The following SPTAN1 variants were observed in gnomAD, a reference collection of about 807,000 sequenced individuals.
SPTAN1 encodes the protein spectrin alpha chain, non-erythrocytic 1.
Under a neutral mutation model 331.3 loss-of-function variants are expected in SPTAN1, and 61 were observed. That is an observed-to-expected ratio of 0.18 (90% CI 0.15 to 0.23). The LOEUF is 0.23. SPTAN1 is among the 10% of genes least tolerant of loss of function. SPTAN1 has a pLI of 1.00. For synonymous variants in SPTAN1, 1,153 were observed against 1,173.9 expected (o/e 0.98, Z 0.36); for missense variants, 2,043 against 3,147.9 (o/e 0.65, Z 8.40).
intron 42 of SPTAN1, 109 bp from the exon 43 acceptor site, chr9:128,617,878 C>T: frequency 6.2e-7 from 1 of 1,612,114 alleles, no homozygotes; most frequent in Non-Finnish European, 8.5e-7. Flanking sequence ...CCCCTCAGTC[C>T]AAACCTGGAG....
At chr9:128,622,276 T>C (rs1360807528) in intron 45 of SPTAN1, among the ~76,000 whole-genome samples, 1 of 145,484 alleles carries the variant, frequency 6.9e-6, no homozygotes, top group Non-Finnish European at 1.5e-5. Context: ...TTCAGCCTCC[T>C]GGCAACGAGC....
Position 128,583,850 on chromosome 9 carries a change from T to C in SPTAN1, c.2074T>C (p.Leu692=). The C allele has an allele frequency of 1.2e-6, 2 of 1,614,240 alleles. No homozygotes were observed. The highest frequency in any genetic ancestry group is 8.5e-7 in the Non-Finnish European group (1 of 1,180,038). Reference sequence around the variant, plus strand: ...TAATCGCAATGTTGAGGATATTGAATTGTGGCTATATGAAGTAGAAGGTCA... The same window carrying C: ...TAATCGCAATGTTGAGGATATTGAACTGTGGCTATATGAAGTAGAAGGTCA... The part of the protein sequence containing the change: ...QFNRNVEDIE[L]WLYEVEGHLA... The change falls in exon 16 of 57, where the codon TTG becomes CTG. Residue 692 remains leucine, a synonymous_variant. Coordinates refer to ENST00000372739, the MANE Select transcript of SPTAN1 (RefSeq NM_001130438.3).
At position 128,595,491 on chromosome 9, in the gene SPTAN1, C is replaced by T. The variant is rs189557556; in HGVS notation, c.3414+1118C>T. Among the ~76,000 whole-genome samples, 4 of 152,248 alleles carry T rather than the reference C, an allele frequency of 2.6e-5. No individual in the cohort carries two copies. The East Asian group carries it at 7.7e-4, about 29-fold the overall frequency. Reference sequence around the variant, plus strand: ...AAGGAAAGATATGCTATGTTCTCTACATGTTGTTATAAGAACTTTTCTAAG... The same window carrying T: ...AAGGAAAGATATGCTATGTTCTCTATATGTTGTTATAAGAACTTTTCTAAG... On this transcript the variant is annotated intron_variant, in intron 24 of 56. Coordinates refer to ENST00000372739, the MANE Select transcript of SPTAN1 (RefSeq NM_001130438.3).
chr9:128,602,967 C>A (rs1327278051), intron 27 of SPTAN1, among the ~76,000 whole-genome samples: 3 of 149,230 alleles, frequency 2.0e-5, no homozygotes, highest in Non-Finnish European at 3.0e-5. Context: ...GAAGTAGCTA[C>A]GTTGTTGAAA....
At chr9:128,586,112 G>GTT (rs35434571) in intron 19 of SPTAN1, 147 bp downstream of exon 19, 1,357 of 262,676 alleles carry the variant, frequency 5.2e-3, no homozygotes, top group East Asian at 0.015. Flanking sequence ...TTTTCACTTG[G>GTT]TTTTTTTTTT....
chr9:128,630,307 C>A lies in SPTAN1; in HGVS notation c.6708-14C>A. 2 of 1,613,868 alleles carry A rather than the reference C, an allele frequency of 1.2e-6. No homozygotes were observed. On this transcript the variant is annotated splice_polypyrimidine_tract_variant and intron_variant, in intron 51 of 56. Coordinates refer to ENST00000372739, the MANE Select transcript of SPTAN1 (RefSeq NM_001130438.3). ...GGGAGCAGGCCCCTTTCCTCACTGT[C>A]CTTCCACGTTTAGGTCCTGTATGGT...
At chr9:128,564,866 TA>T (rs1055870862) in intron 1 of SPTAN1, among the ~76,000 whole-genome samples, 1 of 152,208 alleles carries the variant, frequency 6.6e-6, no homozygotes, top group African/African-American at 2.4e-5. Flanking sequence ...CTTGGAGTTT[TA>T]AAGGGAATTA....
chr9:128,578,343 A>T, intron 9 of SPTAN1, 98 bp downstream of exon 9: 4 of 1,501,918 alleles, frequency 2.7e-6, no homozygotes, highest in Non-Finnish European at 3.7e-6. Context: ...CGTTGGTACC[A>T]TGTTATTCAC....
At chr9:128,605,838 A>C (rs769663978) in intron 31 of SPTAN1, among the ~76,000 whole-genome samples, 22 of 152,134 alleles carry the variant, frequency 1.4e-4, no homozygotes, top group Non-Finnish European at 2.9e-4. Context: ...CCAAAAGTAC[A>C]AAAATTAGCC....
At chr9:128,586,665 A>G (rs1402493621) in intron 19 of SPTAN1, among the ~76,000 whole-genome samples, 1 of 152,060 alleles carries the variant, frequency 6.6e-6, no homozygotes, top group Admixed American at 6.6e-5. Context: ...ACATACCAAC[A>G]TGCACACATA....
chr9:128,629,723 A>T lies in SPTAN1; in HGVS notation c.6708-598A>T. 5.1e-6 allele frequency: 1 copy of T among 197,186 alleles called. No homozygotes were observed. The highest frequency in any genetic ancestry group is 9.7e-5 in the South Asian group (1 of 10,322). 12.2% of individuals were successfully genotyped at this position (197,186 alleles called of 1,614,324 possible). A position where few individuals can be genotyped will look rare whatever the true frequency, so the allele number is the denominator to read the frequency against. On this transcript the variant is annotated intron_variant, in intron 51 of 56. Coordinates refer to ENST00000372739, the MANE Select transcript of SPTAN1 (RefSeq NM_001130438.3). The surrounding 1 kb of genome is among the most constrained non-coding windows in gnomAD (Gnocchi z 4.9). ...AGGCTCCCTCCCTGGCTGTGTCTAGAGGATGGAACCGGGATCTGGGGTTTA... is the reference window on the plus strand; with the variant it reads ...AGGCTCCCTCCCTGGCTGTGTCTAGTGGATGGAACCGGGATCTGGGGTTTA...
At chr9:128,574,614 AAGAGCCAGATCCCAC>A (rs931007813) in intron 3 of SPTAN1, 46 bp from the exon 4 acceptor site, 4 of 1,604,042 alleles carry the variant, frequency 2.5e-6, no homozygotes, top group African/African-American at 2.7e-5. Flanking sequence ...AACTCTATGG[AAGAGCCAGATCCCAC>A]AGAGCCAGTT....
At chr9:128,612,753 C>G (rs1856709560) in intron 39 of SPTAN1, among the ~76,000 whole-genome samples, 1 of 152,172 alleles carries the variant, frequency 6.6e-6, no homozygotes, top group African/African-American at 2.4e-5. Context: ...TAGTGAAATC[C>G]TGTCTCTACT....
intron 44 of SPTAN1, 131 bp downstream of exon 44, chr9:128,619,134 C>A (rs906577859): frequency 2.9e-6 from 4 of 1,372,624 alleles, no homozygotes; most frequent in African/African-American, 1.4e-5. Flanking sequence ...GCCAAGGCCT[C>A]AGTAGTTGGT....
At chr9:128,602,156 A>G (rs959690726) in intron 27 of SPTAN1, among the ~76,000 whole-genome samples, 3 of 150,626 alleles carry the variant, frequency 2.0e-5, no homozygotes, top group Admixed American at 2.0e-4. Flanking sequence ...CCATGAGGAC[A>G]TCTGCATCCA....
chr9:128,631,574 C>G (rs1307847717), intron 52 of SPTAN1: 2 of 160,674 alleles, frequency 1.2e-5, no homozygotes, highest in Admixed American at 1.2e-4. Flanking sequence ...GCCTATAATC[C>G]CAGAACTTTG....
intron 18 of SPTAN1, among the ~76,000 whole-genome samples, 172 bp downstream of exon 18, chr9:128,585,015 CTTT>C (rs11382658): frequency 6.8e-5 from 9 of 133,092 alleles, no homozygotes; most frequent in Admixed American, 1.5e-4. Context: ...GCCTGAATTT[CTTT>C]TTTTTTTTTT....
At chr9:128,556,456 C>T (rs1848650544) in intron 1 of SPTAN1, among the ~76,000 whole-genome samples, 2 of 152,116 alleles carry the variant, frequency 1.3e-5, no homozygotes, top group Non-Finnish European at 2.9e-5. Context: ...CACATTATAA[C>T]CATTTCCTGT....
Position 128,585,941 on chromosome 9 carries a change from T to C in SPTAN1, c.2754T>C (p.Tyr918=). The change falls in exon 19 of 57, where the codon TAT becomes TAC. Residue 918 remains tyrosine (Y), a synonymous_variant. Transcript: ENST00000372739. ...EKEPIVGSTD[Y]GKDEDSAEAL... is the part of the protein sequence containing the mutation. Reference sequence around the variant, plus strand: ...AACCCATTGTGGGCAGCACTGACTATGGCAAGGACGAAGACTCTGCTGAGG... The same window carrying C: ...AACCCATTGTGGGCAGCACTGACTACGGCAAGGACGAAGACTCTGCTGAGG... 3 of 1,612,796 alleles carry C rather than the reference T, an allele frequency of 1.9e-6. No individual in the cohort carries two copies. The highest frequency in any genetic ancestry group is 1.7e-5 in the Admixed American group (1 of 60,016).
Sources: allele counts gnomAD v4.1 joint callset (sites outside exome capture counted in the v4.1 genomes callset), GRCh38; gene constraint gnomAD v4.1.1; non-coding constraint Gnocchi (gnomAD v3.1); transcripts MANE v1.5; gene names NCBI Gene and HGNC (gene_info 2026-07-23, HGNC 2026-07-21).